The following CACNB4 variants were observed in gnomAD, a reference collection of about 807,000 sequenced individuals.
CACNB4 encodes the protein voltage-dependent L-type calcium channel subunit beta-4.
A neutral mutation model predicts 71.2 loss-of-function variants in CACNB4; 32 were observed. The ratio of observed to expected loss-of-function variants is 0.45; its 90% CI spans 0.34 to 0.60. CACNB4 has a LOEUF of 0.60. Ranked by LOEUF, CACNB4 falls within the 20% of genes least tolerant of loss-of-function variation. The probability of loss-of-function intolerance (pLI) is 0.01; values close to 1 mark genes in which losing one functional copy is unlikely to be tolerated. For missense variants in CACNB4, 464 were observed against 647.9 expected (o/e 0.72, Z 3.08); for synonymous variants, 231 against 236.9 (o/e 0.97, Z 0.23).
intron 2 of CACNB4, among the ~76,000 whole-genome samples, chr2:151,998,777 G>C (rs1281639745): frequency 6.6e-6 from 1 of 152,154 alleles, no homozygotes; most frequent in Non-Finnish European, 1.5e-5. Context: ...TTTTCACAGT[G>C]AGCCTCTCCC....
chr2:151,858,453 A>G (rs1163060247), intron 10 of CACNB4: 1 of 152,230 alleles, frequency 6.6e-6, no homozygotes, highest in African/African-American at 2.4e-5. Context: ...GTTATATTGA[A>G]TACTATAATA....
intron 2 of CACNB4, among the ~76,000 whole-genome samples, chr2:151,994,513 TC>T (rs200456583): frequency 3.1e-5 from 4 of 129,302 alleles, no homozygotes; most frequent in African/African-American, 1.2e-4. Flanking sequence ...GCCAAAAGGG[TC>T]CCCCCTTTTT....
In CACNB4 at chr2:152,098,288, TC is replaced by T; in HGVS notation, c.147+41del. 6.6e-7 allele frequency: 1 copy of T among 1,524,852 alleles called. No homozygotes were observed. Among genetic ancestry groups the T allele is most frequent in the Non-Finnish European group, 9.1e-7 (1 of 1,100,078 alleles). The allele number at this position is 1,524,852 out of a possible 1,614,324, so 94.5% of individuals were successfully genotyped here. On this transcript the variant is annotated intron_variant, in intron 2 of 13. Transcript: ENST00000539935. The surrounding 1 kb of genome is among the most constrained non-coding windows in gnomAD (Gnocchi z 5.3). The stretch of plus-strand genomic sequence containing the variant: ...GCTCCAGGACCCCCGCGCCGCGCGC[TC>T]GGCCTCCTCCCCATCCTGGTCTCCC...
chr2:151,995,658 A>G (rs7605264), intron 2 of CACNB4, among the ~76,000 whole-genome samples: 134,115 of 152,206 alleles, frequency 0.88, 60,406 homozygotes, highest in Non-Finnish European at 0.98. Context: ...GCAGTGAGCC[A>G]AGATCACGCC....
intron 2 of CACNB4, among the ~76,000 whole-genome samples, chr2:152,086,689 C>T (rs952063512): frequency 5.9e-5 from 9 of 152,164 alleles, no homozygotes; most frequent in South Asian, 2.1e-4. Flanking sequence ...TTATTGAAAA[C>T]GATGACAATA....
intron 2 of CACNB4, among the ~76,000 whole-genome samples, chr2:151,946,931 A>G (rs2099865752): frequency 1.3e-5 from 2 of 152,226 alleles, no homozygotes; most frequent in South Asian, 4.1e-4. Context: ...GTCCTTTAGA[A>G]AACAAAATCT....
At chr2:151,930,220 T>C (rs964738837) in intron 2 of CACNB4, among the ~76,000 whole-genome samples, 3 of 152,088 alleles carry the variant, frequency 2.0e-5, no homozygotes, top group African/African-American at 7.2e-5. Flanking sequence ...TTGAATATGG[T>C]AAATGAAGCT....
At chr2:151,982,569 C>T (rs985546818) in intron 2 of CACNB4, among the ~76,000 whole-genome samples, 1 of 148,976 alleles carries the variant, frequency 6.7e-6, no homozygotes, top group East Asian at 2.0e-4. Context: ...GGAGGCGGAG[C>T]TTGCAGTGAG....
intron 10 of CACNB4, 39 bp downstream of exon 10, chr2:151,860,672 A>C (rs1372951880): frequency 1.5e-6 from 2 of 1,370,806 alleles, no homozygotes; most frequent in Non-Finnish European, 2.1e-6. Flanking sequence ...CCCGGTCTGT[A>C]AGCACAGCTT....
intron 12 of CACNB4, among the ~76,000 whole-genome samples, chr2:151,844,298 G>A (rs533565033): frequency 6.6e-6 from 1 of 152,260 alleles, no homozygotes; most frequent in South Asian, 2.1e-4. Context: ...GTTTGAAGCT[G>A]CAGCATAAAG....
intron 5 of CACNB4, 78 bp from the exon 6 acceptor site, chr2:151,872,571 T>C (rs1360687783): frequency 1.7e-5 from 13 of 780,786 alleles, no homozygotes. Context: ...AAGCTTTCTT[T>C]GGCCCTCATC....
intron 2 of CACNB4, among the ~76,000 whole-genome samples, chr2:151,982,221 G>T (rs942610017): frequency 6.6e-6 from 1 of 152,086 alleles, no homozygotes; most frequent in Non-Finnish European, 1.5e-5. Context: ...ATTTAGCAAG[G>T]TTCTTCAACT....
chr2:151,860,879 T>A, intron 9 of CACNB4, 59 bp from the exon 10 acceptor site: 1 of 1,105,848 alleles, frequency 9.0e-7, no homozygotes, highest in South Asian at 1.2e-5. Context: ...GCTCTCCAAG[T>A]GATTTATAAC....
intron 2 of CACNB4, among the ~76,000 whole-genome samples, chr2:151,965,170 G>A (rs529516657): frequency 4.4e-4 from 67 of 152,250 alleles, no homozygotes; most frequent in South Asian, 8.3e-4. Flanking sequence ...ATAAGCTAGG[G>A]AACTAATCTG....
intron 2 of CACNB4, among the ~76,000 whole-genome samples, chr2:151,950,783 T>C (rs547882571): frequency 6.6e-6 from 1 of 152,202 alleles, no homozygotes; most frequent in African/African-American, 2.4e-5. Context: ...AGAAAGCAGA[T>C]TGGTGATTGC....
intron 2 of CACNB4, among the ~76,000 whole-genome samples, chr2:151,954,689 T>A (rs2099867732): frequency 6.6e-6 from 1 of 152,244 alleles, no homozygotes; most frequent in Admixed American, 6.5e-5. Context: ...GATCTGAACT[T>A]GGAAATAAAA....
chr2:152,058,637 G>A (rs999261224), intron 2 of CACNB4, among the ~76,000 whole-genome samples: 2 of 152,232 alleles, frequency 1.3e-5, no homozygotes, highest in African/African-American at 4.8e-5. Flanking sequence ...AAGGGAAGCA[G>A]AGCATAAAAG....
chr2:151,893,351 C>T (rs1297143673), intron 2 of CACNB4, among the ~76,000 whole-genome samples: 1 of 152,132 alleles, frequency 6.6e-6, no homozygotes, highest in Non-Finnish European at 1.5e-5. Context: ...AAGCAATTCT[C>T]GTGCCTCAGC....
chr2:151,852,422 G>A (rs2099839304), intron 12 of CACNB4: 1 of 152,286 alleles, frequency 6.6e-6, no homozygotes, highest in East Asian at 1.9e-4. Flanking sequence ...AGAGGGGCAC[G>A]GGTTCTTACA....
Sources: gnomAD v4.1 joint callset for allele counts (sites outside exome capture counted in the v4.1 genomes callset) on GRCh38, gnomAD v4.1.1 for gene constraint, Gnocchi (gnomAD v3.1) non-coding constraint, MANE v1.5 for transcripts, NCBI Gene and HGNC (gene_info 2026-07-23, HGNC 2026-07-21) for gene names.